The following WWTR1 variants were observed in gnomAD, a reference collection of about 807,000 sequenced individuals.
WWTR1 encodes WW domain-containing transcription regulator protein 1.
A neutral mutation model predicts 40.1 loss-of-function variants in WWTR1; 13 were observed. That is an observed-to-expected ratio of 0.32 (90% CI 0.21 to 0.52). WWTR1 has a LOEUF of 0.52. Among genes scored for constraint, WWTR1 ranks in the 20% least tolerant of loss-of-function variants. The pLI is 0.97. For synonymous variants in WWTR1, 230 were observed against 210.1 expected (o/e 1.09, Z -0.82); for missense variants, 436 against 523.1 (o/e 0.83, Z 1.63).
At chr3:149,669,232 A>G (rs1713971098) in intron 2 of WWTR1, among the ~76,000 whole-genome samples, 1 of 152,178 alleles carries the variant, frequency 6.6e-6, no homozygotes, top group Admixed American at 6.5e-5. Context: ...ACCCCCACAT[A>G]TACAAGAACC....
chr3:149,557,975 C>A (rs1390042705), intron 3 of WWTR1, among the ~76,000 whole-genome samples: 1 of 147,652 alleles, frequency 6.8e-6, no homozygotes, highest in African/African-American at 2.5e-5. Context: ...TGCACTCCAA[C>A]CTGGGTGACA....
chr3:149,624,891 T>G (rs181492180), intron 2 of WWTR1, among the ~76,000 whole-genome samples: 38 of 151,348 alleles, frequency 2.5e-4, no homozygotes, highest in Non-Finnish European at 4.7e-4. Flanking sequence ...TTTATTTTAT[T>G]TATTTATTTT....
At chr3:149,598,999 G>A (rs1033189964) in intron 2 of WWTR1, among the ~76,000 whole-genome samples, 4 of 152,038 alleles carry the variant, frequency 2.6e-5, no homozygotes, top group Admixed American at 1.3e-4. Context: ...AATGATATTT[G>A]CACTATCAAA....
At chr3:149,530,481 GTAA>G (rs1332258955) in intron 4 of WWTR1, among the ~76,000 whole-genome samples, 1 of 151,628 alleles carries the variant, frequency 6.6e-6, no homozygotes. Context: ...ATTGTTATCT[GTAA>G]TAATATATAA....
intron 3 of WWTR1, among the ~76,000 whole-genome samples, chr3:149,557,061 C>CTTCTTTTTTTT (rs1736861010): frequency 4.7e-5 from 3 of 64,356 alleles, no homozygotes; most frequent in East Asian, 1.5e-3. Flanking sequence ...CTGGAATCTT[C>CTTCTTTTTTTT]TTTTTTTTTT....
chr3:149,677,080 C>G (rs1379707522), intron 1 of WWTR1, among the ~76,000 whole-genome samples: 1 of 151,998 alleles, frequency 6.6e-6, no homozygotes, highest in Non-Finnish European at 1.5e-5. Context: ...CCACGCCCAG[C>G]TAATTTTGTA....
chr3:149,597,752 T>C (rs1253341726), intron 2 of WWTR1, among the ~76,000 whole-genome samples: 3 of 152,228 alleles, frequency 2.0e-5, no homozygotes, highest in Non-Finnish European at 4.4e-5. Context: ...GAAAGATGCT[T>C]GGAAGAAAAG....
chr3:149,651,410 G>A (rs1246780464), intron 2 of WWTR1, among the ~76,000 whole-genome samples: 3 of 152,172 alleles, frequency 2.0e-5, no homozygotes, highest in Non-Finnish European at 4.4e-5. Flanking sequence ...TCTGTAGTGG[G>A]CTTAGTGAAT....
chr3:149,555,204 G>C (rs546275258), intron 3 of WWTR1, among the ~76,000 whole-genome samples: 1 of 152,306 alleles, frequency 6.6e-6, no homozygotes, highest in East Asian at 1.9e-4. Flanking sequence ...AGCGTGAGTT[G>C]CTAGTTTTTA....
At chr3:149,598,015 C>T (rs1283673256) in intron 2 of WWTR1, among the ~76,000 whole-genome samples, 1 of 152,056 alleles carries the variant, frequency 6.6e-6, no homozygotes, top group African/African-American at 2.4e-5. Context: ...AGCATCTGTA[C>T]TCAAGTGCAT....
chr3:149,681,474 T>A (rs1432197224), intron 1 of WWTR1, among the ~76,000 whole-genome samples: 1 of 152,230 alleles, frequency 6.6e-6, no homozygotes, highest in South Asian at 2.1e-4. Flanking sequence ...CATCTGTATG[T>A]CTTTATTTGG....
chr3:149,538,183 G>A (rs1170808458), intron 4 of WWTR1, among the ~76,000 whole-genome samples: 1 of 152,166 alleles, frequency 6.6e-6, no homozygotes, highest in Non-Finnish European at 1.5e-5. Context: ...GCTTCCCGAA[G>A]TGCTGGGATT....
intron 2 of WWTR1, among the ~76,000 whole-genome samples, chr3:149,614,542 G>A (rs1739878256): frequency 1.3e-5 from 2 of 152,126 alleles, no homozygotes; most frequent in South Asian, 4.1e-4. Flanking sequence ...ACTTTTCAAA[G>A]GCAATAGCAC....
At chr3:149,635,577 A>T (rs1189961048) in intron 2 of WWTR1, among the ~76,000 whole-genome samples, 1 of 152,094 alleles carries the variant, frequency 6.6e-6, no homozygotes, top group African/African-American at 2.4e-5. Flanking sequence ...GAGGACGAAG[A>T]GGAAGAGTAG....
intron 2 of WWTR1, among the ~76,000 whole-genome samples, chr3:149,639,762 G>A (rs1712042755): frequency 6.6e-6 from 1 of 152,090 alleles, no homozygotes; most frequent in Non-Finnish European, 1.5e-5. Context: ...GGGAGGCCGA[G>A]GTGGGTGGAT....
rs1267281429 is a variant in WWTR1 at position 149,518,303 on chromosome 3, T to C, written c.*2502A>G. Reference sequence around the variant, plus strand: ...CTAGAAAATTACTTCTAAAAATTGGTAATATAAATCATCAATGATTTACCT... The same window carrying C: ...CTAGAAAATTACTTCTAAAAATTGGCAATATAAATCATCAATGATTTACCT... On this transcript the variant is annotated 3_prime_UTR_variant, in exon 7 of 7. Coordinates refer to ENST00000360632, the MANE Select transcript of WWTR1 (RefSeq NM_015472.6). 2.6e-5 allele frequency: 4 copies of C among 152,086 alleles called. No homozygotes were observed. Among genetic ancestry groups the C allele is most frequent in the Non-Finnish European group, 5.9e-5 (4 of 68,006 alleles). 9.4% of individuals were successfully genotyped at this position (152,086 alleles called of 1,614,324 possible). A position where few individuals can be genotyped will look rare whatever the true frequency, so the allele number is the denominator to read the frequency against.
rs185088698 is a variant in WWTR1 at position 149,634,701 on chromosome 3, C to T, written c.431+22175G>A. ...GTCAGGCTGCTGTTGTGCAAGTCCA[C>T]CTCTCCTGTGGAGCTCCTGTTTGCA... On this transcript the variant is annotated intron_variant, in intron 2 of 6. Coordinates refer to ENST00000360632, the MANE Select transcript of WWTR1 (RefSeq NM_015472.6). Among the ~76,000 whole-genome samples, 114 of 152,344 alleles carry T rather than the reference C, an allele frequency of 7.5e-4. 1 individual carries two copies. Among genetic ancestry groups the T allele is most frequent in the African/African-American group, 2.5e-3 (105 of 41,576 alleles).
chr3:149,710,268 G>T (rs1559847421), intron 5 of WWTR1, among the ~76,000 whole-genome samples: 1 of 152,106 alleles, frequency 6.6e-6, no homozygotes, highest in South Asian at 2.1e-4. Flanking sequence ...TTTGGGTCAG[G>T]TGTTCACCCA....
At chr3:149,551,317 AC>A (rs1048818453) in intron 3 of WWTR1, among the ~76,000 whole-genome samples, 2 of 144,846 alleles carry the variant, frequency 1.4e-5, no homozygotes, top group African/African-American at 5.3e-5. Context: ...AAAGAGTAGA[AC>A]AGGTAGAGGC....
Sources: allele counts gnomAD v4.1 joint callset (sites outside exome capture counted in the v4.1 genomes callset), GRCh38; gene constraint gnomAD v4.1.1; transcripts MANE v1.5; gene names NCBI Gene and HGNC (gene_info 2026-07-23, HGNC 2026-07-21).